Variants in PACSIN2 observed in about 807,000 individuals in gnomAD.
PACSIN2 encodes the protein protein kinase C and casein kinase substrate in neurons protein 2.
In PACSIN2, 25 loss-of-function variants were observed where a neutral mutation model predicts 63.8. The ratio of observed to expected loss-of-function variants is 0.39; its 90% CI spans 0.29 to 0.55. The LOEUF (loss-of-function observed/expected upper bound fraction) is 0.55, where lower values mean the gene tolerates loss of function less well. Among genes scored for constraint, PACSIN2 ranks in the 20% least tolerant of loss-of-function variants. The pLI is 0.62. For synonymous variants in PACSIN2, 255 were observed against 256.2 expected (o/e 1.00, Z 0.05); for missense variants, 518 against 646.9 (o/e 0.80, Z 2.16).
chr22:43,000,938 T>C (rs1477242282), intron 1 of PACSIN2, among the ~76,000 whole-genome samples: 1 of 152,188 alleles, frequency 6.6e-6, no homozygotes, highest in African/African-American at 2.4e-5. Flanking sequence ...TGCGTGACTC[T>C]CAGGCAAGGC....
chr22:42,949,468 GCA>G (rs201241043), intron 1 of PACSIN2, among the ~76,000 whole-genome samples: 24 of 150,854 alleles, frequency 1.6e-4, no homozygotes, highest in Middle Eastern at 3.4e-3. Context: ...GCGCGCGCAC[GCA>G]CACACACACA....
At chr22:42,934,446 A>C (rs1601542838) in intron 1 of PACSIN2, among the ~76,000 whole-genome samples, 1 of 152,090 alleles carries the variant, frequency 6.6e-6, no homozygotes, top group African/African-American at 2.4e-5. Flanking sequence ...CTCCAACTAC[A>C]CTTGCACACC....
Position 42,893,467 on chromosome 22 carries a change from G to A in PACSIN2, c.207C>T (p.Leu69=), listed in dbSNP as rs5759013. Residue 69 remains leucine, a synonymous_variant, in exon 3 of 11, where the codon CTC becomes CTT. Coordinates refer to ENST00000263246, the MANE Select transcript of PACSIN2 (RefSeq NM_001184970.3). Reference sequence around the variant, plus strand: ...GCCGGGGCCCCATACCTTTCTCCACGAGCTGCCTCCAGCGCCGGGCCCACT... The same window carrying A: ...GCCGGGGCCCCATACCTTTCTCCACAAGCTGCCTCCAGCGCCGGGCCCACT... The part of the protein sequence containing the change: ...LTEWARRWRQ[L]VEKGPQYGTV... 676,684 of 1,612,462 alleles carry A rather than the reference G, an allele frequency of 0.42. 148,154 individuals carry two copies. The highest frequency in any genetic ancestry group is 0.46 in the Middle Eastern group (2,736 of 5,956).
chr22:42,997,414 C>T (rs1463300861), intron 1 of PACSIN2, among the ~76,000 whole-genome samples: 2 of 152,012 alleles, frequency 1.3e-5, no homozygotes, highest in Admixed American at 6.6e-5. Context: ...AAAAATTAGC[C>T]AGGCGTGGTG....
At chr22:42,939,741 C>G (rs936801495) in intron 1 of PACSIN2, among the ~76,000 whole-genome samples, 2 of 152,202 alleles carry the variant, frequency 1.3e-5, no homozygotes, top group Non-Finnish European at 2.9e-5. Context: ...TTCCTGCCAG[C>G]CTGTTTCCTT....
Position 42,963,410 on chromosome 22 carries a change from C to T in PACSIN2, c.-77-51253G>A, listed in dbSNP as rs553645950. Among the ~76,000 whole-genome samples the T allele has an allele frequency of 4.6e-5, 7 of 152,342 alleles. 1 individual carries two copies. Among genetic ancestry groups the T allele is most frequent in the African/African-American group, 2.4e-5 (1 of 41,580 alleles). The stretch of plus-strand genomic sequence containing the variant: ...CCCCCTGCAGAGGCGGCAAACAACA[C>T]GCAGGGCAGCACTTCCCAGGGGGAT... On this transcript the variant is annotated intron_variant, in intron 1 of 10. Transcript: ENST00000263246.
At position 42,876,102 on chromosome 22, in the gene PACSIN2, C is replaced by A. The variant is rs199698770; in HGVS notation, c.1348+35G>T. ...CCGCCCACAGCCTGCAGGTTGGAAG[C>A]CCTCCTCCCCTGGATGCTGGGGGAG... is the stretch of plus-strand genomic sequence containing the variant. On this transcript the variant is annotated intron_variant, in intron 10 of 10. Coordinates refer to ENST00000263246, the MANE Select transcript of PACSIN2 (RefSeq NM_001184970.3). 747 of 1,575,040 alleles carry A rather than the reference C, an allele frequency of 4.7e-4. 1 individual carries two copies. Among genetic ancestry groups the A allele is most frequent in the Middle Eastern group, 1.7e-3 (10 of 5,792 alleles).
At chr22:42,932,181 T>C (rs114893618) in intron 1 of PACSIN2, among the ~76,000 whole-genome samples, 1 of 152,180 alleles carries the variant, frequency 6.6e-6, no homozygotes, top group Non-Finnish European at 1.5e-5. Context: ...CTTCTCTCTG[T>C]TTCTTCAACA....
chr22:42,886,045 C>G (rs2858561), intron 5 of PACSIN2, among the ~76,000 whole-genome samples: 1 of 152,196 alleles, frequency 6.6e-6, no homozygotes, highest in South Asian at 2.1e-4. Context: ...AGAGCAGCCC[C>G]ATCTCAGGAG....
At chr22:42,937,365 A>C (rs41480447) in intron 1 of PACSIN2, among the ~76,000 whole-genome samples, 3,910 of 152,262 alleles carry the variant, frequency 0.026, 166 homozygotes, top group African/African-American at 0.091. Flanking sequence ...CAGGTGTGGC[A>C]GCAGTTCCTG....
intron 1 of PACSIN2, among the ~76,000 whole-genome samples, chr22:42,937,303 C>T (rs1434050997): frequency 1.3e-5 from 2 of 152,066 alleles, no homozygotes; most frequent in Non-Finnish European, 2.9e-5. Context: ...GCACAGGCAG[C>T]CCCAGCAAAA....
At chr22:42,936,038 C>G (rs1932906134) in intron 1 of PACSIN2, among the ~76,000 whole-genome samples, 1 of 151,960 alleles carries the variant, frequency 6.6e-6, no homozygotes, top group Non-Finnish European at 1.5e-5. Flanking sequence ...ACGGTGAAAC[C>G]CCGTCTCTAC....
At chr22:43,014,572 G>A (rs1924755831) in intron 1 of PACSIN2, among the ~76,000 whole-genome samples, 1 of 151,816 alleles carries the variant, frequency 6.6e-6, no homozygotes, top group Non-Finnish European at 1.5e-5. Flanking sequence ...TGCACGTCTC[G>A]GATTCCCAGC....
chr22:42,939,474 T>C (rs1933052179), intron 1 of PACSIN2, among the ~76,000 whole-genome samples: 1 of 152,198 alleles, frequency 6.6e-6, no homozygotes, highest in South Asian at 2.1e-4. Context: ...TGATTGGAAG[T>C]GACGCAGTTA....
chr22:42,993,303 G>A (rs1177113772), intron 1 of PACSIN2, among the ~76,000 whole-genome samples: 2 of 152,194 alleles, frequency 1.3e-5, no homozygotes, highest in Non-Finnish European at 2.9e-5. Flanking sequence ...AAGAAGTGGG[G>A]GCAGAGGGAC....
intron 1 of PACSIN2, among the ~76,000 whole-genome samples, chr22:42,978,497 T>C (rs1045362222): frequency 6.6e-6 from 1 of 152,218 alleles, no homozygotes; most frequent in Non-Finnish European, 1.5e-5. Flanking sequence ...TCCACCCTCA[T>C]CCTGCTGAAT....
chr22:42,911,185 T>C (rs991408255), intron 2 of PACSIN2, among the ~76,000 whole-genome samples: 4 of 152,142 alleles, frequency 2.6e-5, no homozygotes, highest in East Asian at 1.9e-4. Context: ...GTTACAGACA[T>C]GAGCCACTGC....
At chr22:42,921,415 A>C (rs1601523096) in intron 1 of PACSIN2, among the ~76,000 whole-genome samples, 1 of 151,314 alleles carries the variant, frequency 6.6e-6, no homozygotes, top group East Asian at 1.9e-4. Context: ...GCCATCAAGT[A>C]CAGATGACTT....
At chr22:42,967,026 G>A (rs565116714) in intron 1 of PACSIN2, among the ~76,000 whole-genome samples, 5 of 152,088 alleles carry the variant, frequency 3.3e-5, no homozygotes, top group South Asian at 4.1e-4. Flanking sequence ...TAACTTAAAC[G>A]AACTTGTCCG....
Sources: allele counts gnomAD v4.1 joint callset (sites outside exome capture counted in the v4.1 genomes callset), GRCh38; gene constraint gnomAD v4.1.1; transcripts MANE v1.5; gene names NCBI Gene and HGNC (gene_info 2026-07-23, HGNC 2026-07-21).